The following SNTB1 variants were observed in gnomAD, a reference collection of about 807,000 sequenced individuals.
SNTB1 encodes the protein syntrophin beta 1.
In SNTB1, 36 loss-of-function variants were observed where a neutral mutation model predicts 48.9. That is an observed-to-expected ratio of 0.74 (90% CI 0.56 to 0.97). The LOEUF is 0.97. Ranked by LOEUF, SNTB1 falls within the 50% of genes least tolerant of loss-of-function variation. The pLI, the probability that SNTB1 is intolerant of heterozygous loss-of-function variation, is 0.00. For missense variants in SNTB1, 786 were observed against 703.4 expected (o/e 1.12, Z -1.33); for synonymous variants, 299 against 294.6 (o/e 1.01, Z -0.15).
chr8:120,641,615 T>C (rs1220996022), intron 2 of SNTB1, among the ~76,000 whole-genome samples: 1 of 152,222 alleles, frequency 6.6e-6, no homozygotes, highest in East Asian at 1.9e-4. Context: ...ACAGCGCTTA[T>C]CATTATTATT....
intron 2 of SNTB1, among the ~76,000 whole-genome samples, chr8:120,687,032 CT>C (rs1490022843): frequency 6.6e-6 from 1 of 152,012 alleles, no homozygotes; most frequent in Non-Finnish European, 1.5e-5. Flanking sequence ...GAAAAAGTAC[CT>C]CATAAATCTT....
At chr8:120,676,287 A>T (rs1424766442) in intron 2 of SNTB1, among the ~76,000 whole-genome samples, 2 of 152,232 alleles carry the variant, frequency 1.3e-5, no homozygotes, top group African/African-American at 4.8e-5. Context: ...TCAGTGCTTT[A>T]TATATTCCCT....
rs370867925 is a variant in SNTB1 at position 120,739,589 on chromosome 8, G to A, written c.572-45681C>T. On this transcript the variant is annotated intron_variant, in intron 1 of 6. Coordinates refer to ENST00000517992, the MANE Select transcript of SNTB1 (RefSeq NM_021021.4). Reference sequence around the variant, plus strand: ...AATGAACTGTCATTTAATGGTAGATGGGAAATATTTGGGCATAGTAGAAGA... The same window carrying A: ...AATGAACTGTCATTTAATGGTAGATAGGAAATATTTGGGCATAGTAGAAGA... Among the ~76,000 whole-genome samples, 19 of 152,268 alleles carry A rather than the reference G, an allele frequency of 1.2e-4. No homozygotes were observed. In the East Asian group the frequency reaches 3.5e-3, roughly 28 times the overall value.
intron 3 of SNTB1, among the ~76,000 whole-genome samples, chr8:120,597,855 C>T (rs534652810): frequency 1.3e-5 from 2 of 152,298 alleles, no homozygotes; most frequent in South Asian, 4.1e-4. Flanking sequence ...CAATCTTAAT[C>T]CTTCAGAGGC....
intron 1 of SNTB1, among the ~76,000 whole-genome samples, chr8:120,707,477 A>C (rs1818396598): frequency 6.6e-6 from 1 of 152,176 alleles, no homozygotes; most frequent in South Asian, 2.1e-4. Context: ...GTTCTATCAG[A>C]GTCAGAAGAA....
At chr8:120,564,992 T>C (rs1157082874) in intron 4 of SNTB1, among the ~76,000 whole-genome samples, 3 of 152,268 alleles carry the variant, frequency 2.0e-5, no homozygotes, top group Non-Finnish European at 2.9e-5. Context: ...AAATCTGATA[T>C]GATGAAACAT....
intron 1 of SNTB1, among the ~76,000 whole-genome samples, chr8:120,775,995 G>A (rs566992998): frequency 6.6e-6 from 1 of 152,332 alleles, no homozygotes; most frequent in South Asian, 2.1e-4. Flanking sequence ...CCCATTAACT[G>A]TAAACTAGTT....
intron 4 of SNTB1, among the ~76,000 whole-genome samples, chr8:120,549,264 C>T (rs1348119001): frequency 6.6e-6 from 1 of 152,166 alleles, no homozygotes; most frequent in African/African-American, 2.4e-5. Flanking sequence ...GTAAAATTCT[C>T]TCTGAATATT....
chr8:120,685,321 G>A (rs1818011538), intron 2 of SNTB1, among the ~76,000 whole-genome samples: 1 of 152,208 alleles, frequency 6.6e-6, no homozygotes, highest in Admixed American at 6.5e-5. Context: ...CTCTTTCTGG[G>A]CCCCAAGGCC....
intron 1 of SNTB1, among the ~76,000 whole-genome samples, chr8:120,777,013 A>G (rs77506492): frequency 0.038 from 5,845 of 152,260 alleles, 361 homozygotes; most frequent in African/African-American, 0.13. Flanking sequence ...TCCAGTTTTA[A>G]TAGTAAGCAT....
chr8:120,564,565 T>TTTTG (rs1310874583), intron 4 of SNTB1, among the ~76,000 whole-genome samples: 3 of 4,456 alleles, frequency 6.7e-4, no homozygotes, highest in Non-Finnish European at 1.8e-3. Flanking sequence ...ATTATTCTGG[T>TTTTG]TTTTTTTTTT....
chr8:120,769,570 GA>G (rs1471532680), intron 1 of SNTB1: 1 of 152,296 alleles, frequency 6.6e-6, no homozygotes, highest in Non-Finnish European at 1.5e-5. Context: ...AGCTATGTAA[GA>G]AGTCTCACTA....
intron 4 of SNTB1, 144 bp downstream of exon 4, chr8:120,574,942 G>A: frequency 6.5e-6 from 6 of 929,552 alleles, no homozygotes; most frequent in Non-Finnish European, 9.7e-6. Flanking sequence ...AATCTATGTG[G>A]CTAAAAATGT....
chr8:120,555,207 C>A (rs1290415701), intron 4 of SNTB1, among the ~76,000 whole-genome samples: 1 of 152,090 alleles, frequency 6.6e-6, no homozygotes, highest in African/African-American at 2.4e-5. Context: ...CGGACATACA[C>A]TAGGAGTTTA....
At chr8:120,544,971 T>G (rs1394586350) in intron 5 of SNTB1, among the ~76,000 whole-genome samples, 1 of 152,132 alleles carries the variant, frequency 6.6e-6, no homozygotes, top group Admixed American at 6.5e-5. Flanking sequence ...GCAAAACATC[T>G]CATTTTTCAT....
At chr8:120,703,351 C>A (rs931986585) in intron 1 of SNTB1, among the ~76,000 whole-genome samples, 1 of 152,240 alleles carries the variant, frequency 6.6e-6, no homozygotes, top group African/African-American at 2.4e-5. Flanking sequence ...TCTCGAACTC[C>A]TGACCTCAAG....
chr8:120,708,385 A>G (rs1382576225), intron 1 of SNTB1, among the ~76,000 whole-genome samples: 1 of 152,074 alleles, frequency 6.6e-6, no homozygotes, highest in Non-Finnish European at 1.5e-5. Context: ...TCGTTAAAGA[A>G]CAGCTCATTC....
chr8:120,769,696 C>T (rs1429624901), intron 1 of SNTB1: 1 of 152,288 alleles, frequency 6.6e-6, no homozygotes, highest in Non-Finnish European at 1.5e-5. Flanking sequence ...GGGTTGCAGT[C>T]AGGTGAGTAG....
chr8:120,565,574 G>C (rs1815735661), intron 4 of SNTB1, among the ~76,000 whole-genome samples: 1 of 152,196 alleles, frequency 6.6e-6, no homozygotes, highest in South Asian at 2.1e-4. Context: ...GAAAATGCTA[G>C]AAGGTCATCT....
Sources: gnomAD v4.1 joint callset for allele counts (sites outside exome capture counted in the v4.1 genomes callset) on GRCh38, gnomAD v4.1.1 for gene constraint, MANE v1.5 for transcripts, NCBI Gene and HGNC (gene_info 2026-07-23, HGNC 2026-07-21) for gene names.